The following KLF15 variants were observed in gnomAD, a reference collection of about 807,000 sequenced individuals.
KLF15 encodes the protein KLF transcription factor 15.
In KLF15, 4 loss-of-function variants were observed where a neutral mutation model predicts 24.6. That is an observed-to-expected ratio of 0.16 (90% CI 0.08 to 0.37). KLF15 has a LOEUF of 0.37. Ranked by LOEUF, KLF15 falls within the 10% of genes least tolerant of loss-of-function variation. KLF15 has a pLI of 1.00. For synonymous variants in KLF15, 246 were observed against 236.3 expected, an observed-to-expected ratio of 1.04 and a Z score of -0.37; for missense variants, 496 against 560.6, an observed-to-expected ratio of 0.88 and a Z score of 1.16.
chr3:126,313,133 G>A, the KLF15 span, among the ~76,000 whole-genome samples: 1 of 152,172 alleles, frequency 6.6e-6, no homozygotes, highest in Non-Finnish European at 1.5e-5. Context: ...CCTGACTGGG[G>A]TGCTTGTAAG....
Position 126,352,732 on chromosome 3 carries a change from T to C in KLF15, c.191A>G (p.Tyr64Cys), listed in dbSNP as rs762587746. 13 of 1,574,064 alleles carry C rather than the reference T, an allele frequency of 8.3e-6. No individual in the cohort carries two copies. Among genetic ancestry groups the C allele is most frequent in the East Asian group, 2.4e-5 (1 of 42,540 alleles). Residue 64 changes from tyrosine (Y) to cysteine (C), a missense_variant, in exon 2 of 3, where the codon TAT becomes TGT. Tyr to Cys is a radical substitution (Grantham distance 194). Coordinates refer to ENST00000296233, the MANE Select transcript of KLF15 (RefSeq NM_014079.4). ...GCTCTCGGTGCCCAGGCCTCCACCA[T>C]AGCAGGAGCAGAGGGCTTGAGAGTC... is the stretch of plus-strand genomic sequence containing the variant. ...SPDSQALCSC[Y>C]GGGLGTESQD...
chr3:126,333,358 G>A, the KLF15 span, among the ~76,000 whole-genome samples: 3 of 148,934 alleles, frequency 2.0e-5, no homozygotes, highest in Admixed American at 6.7e-5. Context: ...ATACTTCACA[G>A]ACAAGCAAAT....
chr3:126,348,967 G>C (rs1242642175), intron 2 of KLF15, among the ~76,000 whole-genome samples: 1 of 152,174 alleles, frequency 6.6e-6, no homozygotes, highest in Non-Finnish European at 1.5e-5. Context: ...CCAGCATACA[G>C]TGAGTGGTCA....
chr3:126,311,084 C>T, the KLF15 span, among the ~76,000 whole-genome samples: 2 of 152,130 alleles, frequency 1.3e-5, no homozygotes, highest in African/African-American at 2.4e-5. Flanking sequence ...GAGGGTCTTC[C>T]TGAAGGCCCA....
chr3:126,311,889 C>T, the KLF15 span, among the ~76,000 whole-genome samples: 1 of 152,222 alleles, frequency 6.6e-6, no homozygotes, highest in Non-Finnish European at 1.5e-5. Flanking sequence ...GGTGGGGAGG[C>T]CACTGGTCTG....
downstream of KLF15, among the ~76,000 whole-genome samples, chr3:126,339,064 A>G (rs1038024265): frequency 2.0e-5 from 3 of 152,184 alleles, no homozygotes; most frequent in African/African-American, 7.2e-5. Flanking sequence ...CAGCAGGGCC[A>G]AGGGAGGCTG....
At chr3:126,345,204 C>T (rs922507002) in intron 2 of KLF15, among the ~76,000 whole-genome samples, 5 of 152,208 alleles carry the variant, frequency 3.3e-5, no homozygotes, top group African/African-American at 1.2e-4. Flanking sequence ...TTCTAGGCTC[C>T]TGTGGCATTA....
intron 2 of KLF15, among the ~76,000 whole-genome samples, chr3:126,348,992 T>TCAC (rs2082559855): frequency 6.6e-6 from 1 of 152,096 alleles, no homozygotes; most frequent in African/African-American, 2.4e-5. Flanking sequence ...ATACGCCATC[T>TCAC]CACCATCATC....
At chr3:126,296,288 A>G in the KLF15 span, among the ~76,000 whole-genome samples, 1 of 152,082 alleles carries the variant, frequency 6.6e-6, no homozygotes, top group African/African-American at 2.4e-5. Flanking sequence ...GCTCACTACA[A>G]GCTCCACCTC....
chr3:126,323,428 T>C, the KLF15 span, among the ~76,000 whole-genome samples: 6 of 45,826 alleles, frequency 1.3e-4, no homozygotes, highest in South Asian at 6.4e-4. Context: ...TATATATATA[T>C]ATATATAACA....
chr3:126,303,545 A>G, the KLF15 span, among the ~76,000 whole-genome samples: 15 of 151,854 alleles, frequency 9.9e-5, no homozygotes, highest in Admixed American at 6.6e-5. Context: ...GCCTTTTTCT[A>G]TGGCTCATTT....
At chr3:126,302,541 T>C in the KLF15 span, among the ~76,000 whole-genome samples, 1 of 152,200 alleles carries the variant, frequency 6.6e-6, no homozygotes, top group African/African-American at 2.4e-5. Context: ...TTCTATCACT[T>C]ACTGGCTAGT....
the KLF15 span, among the ~76,000 whole-genome samples, chr3:126,317,980 C>A: frequency 7.9e-5 from 12 of 152,160 alleles, no homozygotes; most frequent in Non-Finnish European, 1.6e-4. Flanking sequence ...ACAATAACAT[C>A]TTTCCGGTCA....
chr3:126,301,369 C>T, the KLF15 span, among the ~76,000 whole-genome samples: 1 of 152,172 alleles, frequency 6.6e-6, no homozygotes, highest in South Asian at 2.1e-4. Context: ...TTCCCAGCTG[C>T]CCTCAAATCA....
rs147701754 is a variant in KLF15 at position 126,352,757 on chromosome 3, C to A, written c.166G>T (p.Asp56Tyr). 2.5e-6 allele frequency: 4 copies of A among 1,572,276 alleles called. No homozygotes were observed. The highest frequency in any genetic ancestry group is 1.4e-5 in the African/African-American group (1 of 73,912). The part of the protein sequence containing the change: ...ASSPCSCSSP[D>Y]SQALCSCYGG... ...TAGCAGGAGCAGAGGGCTTGAGAGT[C>A]GGGACTGGAACAGGAGCAGGGGCTG... Residue 56 changes from aspartate to tyrosine, a missense_variant, in exon 2 of 3, where the codon GAC becomes TAC. By Grantham distance (160) the Asp-to-Tyr change is radical (BLOSUM62 -3). Coordinates refer to ENST00000296233, the MANE Select transcript of KLF15 (RefSeq NM_014079.4).
At chr3:126,321,275 C>G in the KLF15 span, among the ~76,000 whole-genome samples, 45 of 152,196 alleles carry the variant, frequency 3.0e-4, no homozygotes, top group Non-Finnish European at 2.9e-4. Context: ...CCTGAACTCT[C>G]AGAATCCTAA....
chr3:126,307,572 C>A, the KLF15 span, among the ~76,000 whole-genome samples: 1 of 152,210 alleles, frequency 6.6e-6, no homozygotes, highest in Non-Finnish European at 1.5e-5. Context: ...CACCTTCCCT[C>A]TCCTCTCACT....
the KLF15 span, among the ~76,000 whole-genome samples, chr3:126,328,268 T>C: frequency 6.6e-6 from 1 of 152,188 alleles, no homozygotes; most frequent in Non-Finnish European, 1.5e-5. Context: ...ATTCATTCCT[T>C]TTTATGGCTG....
chr3:126,343,697 G>A lies in KLF15; in HGVS notation c.*30C>T. 6.3e-7 allele frequency: 1 copy of A among 1,594,930 alleles called. No individual in the cohort carries two copies. Among genetic ancestry groups the A allele is most frequent in the Non-Finnish European group, 8.5e-7 (1 of 1,173,386 alleles). On this transcript the variant is annotated 3_prime_UTR_variant, in exon 3 of 3. Transcript: ENST00000296233. ...AATGGGGATGGGGTGGGGATCCGGG[G>A]TGACGGACAGGCTGGGGTTCAGGGC...
Sources: gnomAD v4.1 joint callset for allele counts (sites outside exome capture counted in the v4.1 genomes callset) on GRCh38, gnomAD v4.1.1 for gene constraint, MANE v1.5 for transcripts, NCBI Gene and HGNC (gene_info 2026-07-23, HGNC 2026-07-21) for gene names.